STRN3: variants seen among roughly 807,000 people sequenced by gnomAD.
STRN3 encodes striatin-3.
A neutral mutation model predicts 95.6 loss-of-function variants in STRN3; 29 were observed. The observed-to-expected ratio is 0.30, with a 90% CI of 0.23 to 0.41. The LOEUF (loss-of-function observed/expected upper bound fraction) is 0.41, where lower values mean the gene tolerates loss of function less well. Ranked by LOEUF, STRN3 falls within the 10% of genes least tolerant of loss-of-function variation. STRN3 has a pLI of 1.00. For missense variants in STRN3, 890 were observed against 972.1 expected, an observed-to-expected ratio of 0.92 and a Z score of 1.12; for synonymous variants, 331 against 357.6, an observed-to-expected ratio of 0.93 and a Z score of 0.84.
At chr14:30,961,493 GGACGCATTA>G (rs1311358216) in intron 1 of STRN3, among the ~76,000 whole-genome samples, 3 of 152,124 alleles carry the variant, frequency 2.0e-5, no homozygotes, top group Non-Finnish European at 4.4e-5. Flanking sequence ...CATTGTAGTG[GGACGCATTA>G]GACGCATTAT....
At chr14:31,006,183 T>C (rs1290177856) in intron 1 of STRN3, among the ~76,000 whole-genome samples, 2 of 142,444 alleles carry the variant, frequency 1.4e-5, no homozygotes, top group African/African-American at 5.2e-5. Context: ...AACCAATAAA[T>C]CATGGAAAGA....
At chr14:30,913,966 T>G (rs1182685378) in intron 9 of STRN3, among the ~76,000 whole-genome samples, 4 of 152,186 alleles carry the variant, frequency 2.6e-5, no homozygotes, top group Non-Finnish European at 5.9e-5. Flanking sequence ...AGTTTACATG[T>G]TAAATAAGAA....
intron 1 of STRN3, among the ~76,000 whole-genome samples, chr14:31,013,936 T>TATTATTATTATTATTATTATTA (rs1883114941): frequency 2.7e-5 from 4 of 149,256 alleles, no homozygotes; most frequent in African/African-American, 9.8e-5. Flanking sequence ...AGAGTGTCAG[T>TATTATTATTATTATTATTATTA]CTATTGACCA....
At chr14:30,895,772 T>C (rs781707395) in intron 16 of STRN3, 24 bp from the exon 17 acceptor site, 3 of 1,581,496 alleles carry the variant, frequency 1.9e-6, no homozygotes, top group South Asian at 1.2e-5. Context: ...AACAGAGAAC[T>C]GATTAAGTTT....
intron 1 of STRN3, among the ~76,000 whole-genome samples, chr14:30,989,974 A>C (rs1881874921): frequency 7.7e-6 from 1 of 130,498 alleles, no homozygotes; most frequent in South Asian, 2.4e-4. Flanking sequence ...CAGATACTTT[A>C]AGAGCATGTG....
chr14:30,959,886 A>G (rs1470050184), intron 1 of STRN3, among the ~76,000 whole-genome samples: 1 of 152,250 alleles, frequency 6.6e-6, no homozygotes, highest in Non-Finnish European at 1.5e-5. Flanking sequence ...CAAAGGCATT[A>G]AAGACAACCT....
chr14:30,973,638 C>A lies in STRN3; in HGVS notation c.283-17396G>T, dbSNP rs55804417. ...CTCATTCTATGAGGCCAGCACTGCT[C>A]CTGATAACCAAAGGCAGACAAAGAC... On this transcript the variant is annotated intron_variant, in intron 1 of 17. Transcript: ENST00000357479. 3.8e-3 allele frequency among the ~76,000 whole-genome samples: 575 copies of A among 152,270 alleles called. 2 individuals are homozygous for A. Among genetic ancestry groups the A allele is most frequent in the African/African-American group, 0.013 (540 of 41,542 alleles).
intron 13 of STRN3, among the ~76,000 whole-genome samples, chr14:30,908,712 A>G (rs1381249166): frequency 1.3e-5 from 2 of 151,956 alleles, no homozygotes; most frequent in African/African-American, 2.4e-5. Context: ...CTTGGGTCAC[A>G]CCTCCTCAGT....
chr14:31,012,228 ATCC>A (rs993716090), intron 1 of STRN3, among the ~76,000 whole-genome samples: 4 of 152,330 alleles, frequency 2.6e-5, no homozygotes, highest in South Asian at 2.1e-4. Context: ...AACCCACTTC[ATCC>A]TATTATCTTT....
intron 5 of STRN3, among the ~76,000 whole-genome samples, chr14:30,946,013 T>C (rs181757005): frequency 1.3e-3 from 203 of 152,346 alleles, no homozygotes; most frequent in Non-Finnish European, 2.1e-3. Flanking sequence ...AAATTCTATT[T>C]CAATAAACAT....
At chr14:30,958,752 A>T (rs1880040673) in intron 1 of STRN3, among the ~76,000 whole-genome samples, 1 of 152,226 alleles carries the variant, frequency 6.6e-6, no homozygotes, top group Admixed American at 6.5e-5. Context: ...TGAAAGTCAT[A>T]ATGTCCTCTA....
At chr14:30,903,818 A>G (rs1411791613) in intron 15 of STRN3, among the ~76,000 whole-genome samples, 3 of 152,228 alleles carry the variant, frequency 2.0e-5, no homozygotes, top group Non-Finnish European at 2.9e-5. Flanking sequence ...GTGACTTTAA[A>G]GCATAGAAAT....
chr14:30,920,196 T>C (rs1440756521), intron 8 of STRN3, among the ~76,000 whole-genome samples: 3 of 152,196 alleles, frequency 2.0e-5, no homozygotes, highest in Non-Finnish European at 2.9e-5. Flanking sequence ...TGGAAATAGG[T>C]GGACTTTTAT....
intron 9 of STRN3, among the ~76,000 whole-genome samples, chr14:30,914,857 TTAA>T (rs1459685952): frequency 1.3e-5 from 2 of 152,218 alleles, no homozygotes; most frequent in Non-Finnish European, 2.9e-5. Context: ...GCTTTTCATG[TTAA>T]TATTAACAGT....
intron 9 of STRN3, among the ~76,000 whole-genome samples, chr14:30,916,711 T>A (rs886362990): frequency 2.0e-5 from 3 of 152,206 alleles, no homozygotes; most frequent in African/African-American, 7.2e-5. Context: ...ATTACAGGCA[T>A]GAGCTACTAT....
chr14:30,898,960 C>T (rs1594405721), intron 16 of STRN3, among the ~76,000 whole-genome samples: 1 of 152,310 alleles, frequency 6.6e-6, no homozygotes, highest in Admixed American at 6.5e-5. Flanking sequence ...CTTCTTTAAG[C>T]CCTTCAACCT....
At chr14:30,965,679 T>C (rs1370802922) in intron 1 of STRN3, among the ~76,000 whole-genome samples, 2 of 147,070 alleles carry the variant, frequency 1.4e-5, no homozygotes, top group South Asian at 4.3e-4. Flanking sequence ...CCAGGCATAG[T>C]GGCAGGTGCC....
intron 1 of STRN3, among the ~76,000 whole-genome samples, chr14:30,979,534 T>G (rs764036407): frequency 1.9e-4 from 29 of 152,218 alleles, no homozygotes; most frequent in Non-Finnish European, 4.1e-4. Context: ...CTACTGATTT[T>G]CAGGATAGCT....
chr14:30,938,887 A>G (rs1409232318), intron 5 of STRN3, among the ~76,000 whole-genome samples: 1 of 152,174 alleles, frequency 6.6e-6, no homozygotes, highest in East Asian at 1.9e-4. Context: ...GTCTTTAGGG[A>G]AATAAAAATT....
Sources: gnomAD v4.1 joint callset for allele counts (sites outside exome capture counted in the v4.1 genomes callset) on GRCh38, gnomAD v4.1.1 for gene constraint, MANE v1.5 for transcripts, NCBI Gene and HGNC (gene_info 2026-07-23, HGNC 2026-07-21) for gene names.